Variants in BAHCC1 observed in about 807,000 individuals in gnomAD.
The protein encoded by BAHCC1 is BAH and coiled-coil domain-containing protein 1.
BAHCC1 carries 43 observed loss-of-function variants against 88.2 expected under a neutral mutation model. That is an observed-to-expected ratio of 0.49 (90% CI 0.38 to 0.63). BAHCC1 has a LOEUF of 0.63. BAHCC1 is among the 20% of genes least tolerant of loss of function. The pLI, the probability that BAHCC1 is intolerant of heterozygous loss-of-function variation, is 0.00. For missense variants in BAHCC1, 3,023 were observed against 1,654.8 expected, an observed-to-expected ratio of 1.83 and a Z score of -14.34; for synonymous variants, 1,510 against 745.5, an observed-to-expected ratio of 2.03 and a Z score of -16.71.
intron 2 of BAHCC1, among the ~76,000 whole-genome samples, chr17:81,408,455 C>G (rs573918164): frequency 6.6e-6 from 1 of 151,810 alleles, no homozygotes; most frequent in Non-Finnish European, 1.5e-5. Flanking sequence ...CCGTCTCTGC[C>G]CACCGTGCCC....
chr17:81,399,005 C>T lies in BAHCC1; in HGVS notation c.-206-529C>T, dbSNP rs1012568947. Among the ~76,000 whole-genome samples the T allele has an allele frequency of 1.3e-5, 2 of 151,088 alleles. No homozygotes were observed. Among genetic ancestry groups the T allele is most frequent in the Admixed American group, 6.6e-5 (1 of 15,202 alleles). ...TAATTAGCATGGTTATTCGGTTAAG[C>T]GGAATGCAGTAAAAGCTGGACCTCG... On this transcript the variant is annotated intron_variant, in intron 1 of 27. Transcript: ENST00000675386. The surrounding 1 kb of genome is among the most constrained non-coding windows in gnomAD (Gnocchi z 4.5).
At chr17:81,407,012 TTC>T (rs2063889241) in intron 2 of BAHCC1, 1 of 455,976 alleles carries the variant, frequency 2.2e-6, no homozygotes, top group African/African-American at 2.0e-5. Context: ...CTGCCTTCCC[TTC>T]TCTCCCCTAG....
chr17:81,463,125 A>G, intron 27 of BAHCC1, 149 bp downstream of exon 27: 1 of 609,814 alleles, frequency 1.6e-6, no homozygotes, highest in Non-Finnish European at 2.9e-6. Flanking sequence ...AGGGAGCCGC[A>G]CAGCCCATGG....
chr17:81,465,731 G>C lies in BAHCC1; in HGVS notation c.*1914G>C, dbSNP rs1415052997. The C allele has an allele frequency of 6.6e-6, 1 of 152,304 alleles. No homozygotes were observed. The highest frequency in any genetic ancestry group is 1.5e-5 in the Non-Finnish European group (1 of 68,072). 9.4% of individuals were successfully genotyped at this position (152,304 alleles called of 1,614,324 possible). The stretch of plus-strand genomic sequence containing the variant: ...CACCTGCTGGCTGGACCCCCTGAAG[G>C]GCCGTTCCCAGAGGCTCCCCAGGAG... On this transcript the variant is annotated 3_prime_UTR_variant, in exon 28 of 28. Coordinates refer to ENST00000675386, the MANE Select transcript of BAHCC1 (RefSeq NM_001377448.1).
rs1460740487 is a variant in BAHCC1, at chr17:81,445,187, C to T, written c.2835+9C>T. The T allele has an allele frequency of 1.8e-5, 14 of 760,682 alleles. No individual in the cohort carries two copies. The highest frequency in any genetic ancestry group is 2.9e-5 in the Non-Finnish European group (12 of 409,720). The allele number at this position is 760,682 out of a possible 1,614,324, so 47.1% of individuals were successfully genotyped here. A position where few individuals can be genotyped will look rare whatever the true frequency, so the allele number is the denominator to read the frequency against. On this transcript the variant is annotated intron_variant, in intron 9 of 27. Coordinates refer to ENST00000675386, the MANE Select transcript of BAHCC1 (RefSeq NM_001377448.1). ...GGGCCGCCCAGTTCCAGGTACCGCC[C>T]CTAGCCACGCTCACCTGGGCCGGGC...
At position 81,445,374 on chromosome 17, in the gene BAHCC1, C is replaced by T; in HGVS notation, c.2856C>T (p.His952=). 2 of 776,768 alleles carry T rather than the reference C, an allele frequency of 2.6e-6. No individual in the cohort carries two copies. Among genetic ancestry groups the T allele is most frequent in the Non-Finnish European group, 4.8e-6 (2 of 417,054 alleles). 48.1% of individuals were successfully genotyped at this position (776,768 alleles called of 1,614,324 possible). Residue 952 remains histidine (H), a synonymous_variant, in exon 10 of 28, where the codon CAC becomes CAT. Coordinates refer to ENST00000675386, the MANE Select transcript of BAHCC1 (RefSeq NM_001377448.1). The part of the protein sequence containing the change: ...AQFQRKPEDQ[H]LDLEEPAQEK... ...GACAGCGGAAGCCCGAAGACCAGCA[C>T]CTGGATCTGGAGGAGCCCGCCCAGG...
At position 81,462,972 on chromosome 17, in the gene BAHCC1, G is replaced by A; in HGVS notation, c.7616G>A (p.Gly2539Asp). 1 of 779,974 alleles carries A rather than the reference G, an allele frequency of 1.3e-6. No individual in the cohort carries two copies. The highest frequency in any genetic ancestry group is 1.3e-5 in the South Asian group (1 of 74,602). The allele number at this position is 779,974 out of a possible 1,614,324, so 48.3% of individuals were successfully genotyped here. A position where few individuals can be genotyped will look rare whatever the true frequency, so the allele number is the denominator to read the frequency against. Residue 2539 changes from glycine to aspartate, a missense_variant, in exon 27 of 28, where the codon GGC (glycine) becomes GAC (aspartate). By Grantham distance (94) the Gly-to-Asp change is moderately conservative. Transcript: ENST00000675386. ...AAGCTGGGCAAGAGGCAGTGCGACG[G>A]CAAGGTGAGGCCCGGACAGGTGTGG... ...ETKLGKRQCD[G>D]KNALYQSCHE...
chr17:81,459,374 G>A (rs1277374211), intron 22 of BAHCC1, 46 bp downstream of exon 22: 1 of 766,164 alleles, frequency 1.3e-6, no homozygotes, highest in Non-Finnish European at 2.4e-6. Context: ...TGGCTGGCTT[G>A]TCCCAGGACA....
chr17:81,404,545 G>T (rs1411246539), intron 2 of BAHCC1, among the ~76,000 whole-genome samples: 1 of 152,230 alleles, frequency 6.6e-6, no homozygotes, highest in African/African-American at 2.4e-5. Flanking sequence ...AGATTACCCA[G>T]GAGGCTGGAG....
At position 81,452,771 on chromosome 17, in the gene BAHCC1, G is replaced by C; in HGVS notation, c.4365G>C (p.Pro1455=). ...RSPARRGPGR[P]RKRKHSSSLP... ...CTGCACGGCGGGGGCCTGGCCGGCC[G>C]AGGAAGCGCAAACACTCAAGCTCGC... Residue 1455 remains proline (P), a synonymous_variant, in exon 14 of 28, where the codon CCG becomes CCC. Transcript: ENST00000675386. 2 of 742,676 alleles carry C rather than the reference G, an allele frequency of 2.7e-6. No homozygotes were observed. Among genetic ancestry groups the C allele is most frequent in the Non-Finnish European group, 5.0e-6 (2 of 403,910 alleles). 46.0% of individuals were successfully genotyped at this position (742,676 alleles called of 1,614,324 possible). A position where few individuals can be genotyped will look rare whatever the true frequency, so the allele number is the denominator to read the frequency against.
chr17:81,436,436 C>G (rs1384516985), intron 3 of BAHCC1, among the ~76,000 whole-genome samples: 1 of 152,268 alleles, frequency 6.6e-6, no homozygotes. Context: ...GGCTCCGTGC[C>G]TGGGAAACGG....
At chr17:81,456,624 G>A (rs782592025) in intron 16 of BAHCC1, 39 bp downstream of exon 16, 139 of 675,076 alleles carry the variant, frequency 2.1e-4, no homozygotes, top group Admixed American at 3.0e-4. Flanking sequence ...CAGGAGCCCC[G>A]GTCATGGTCG....
rs2143465159 is a variant in BAHCC1 at position 81,435,026 on chromosome 17, CT to C, written c.359-3343del. ...GAGGAAAGGAAGGGTCCCCTCACCC[CT>C]GGCCGTCCCCAGCCCCCATTTCTCT... On this transcript the variant is annotated intron_variant, in intron 3 of 27. Transcript: ENST00000675386. This position sits in a 1 kb window ranked among gnomAD's most constrained non-coding sequence, Gnocchi z 4.4. Among the ~76,000 whole-genome samples the C allele has an allele frequency of 6.6e-6, 1 of 152,136 alleles. No individual in the cohort carries two copies. The highest frequency in any genetic ancestry group is 6.5e-5 in the Admixed American group (1 of 15,300).
intron 14 of BAHCC1, among the ~76,000 whole-genome samples, chr17:81,455,030 AG>A (rs1371421350): frequency 6.6e-6 from 1 of 152,186 alleles, no homozygotes; most frequent in African/African-American, 2.4e-5. Context: ...TTGAGGATAT[AG>A]GGACTGCTGA....
chr17:81,453,839 T>C (rs1555656554), intron 14 of BAHCC1, among the ~76,000 whole-genome samples: 1 of 152,238 alleles, frequency 6.6e-6, no homozygotes, highest in Non-Finnish European at 1.5e-5. Context: ...CAGGCAGTGG[T>C]GGCAGAGGCA....
chr17:81,451,963 C>G lies in BAHCC1; in HGVS notation c.4180-8C>G, dbSNP rs782199691. On this transcript the variant is annotated splice_region_variant and splice_polypyrimidine_tract_variant and intron_variant, in intron 12 of 27. Transcript: ENST00000675386. The stretch of plus-strand genomic sequence containing the variant: ...CCGGCTCACAGGCCCCTGTGCCCCC[C>G]CCACCAGGTGTGCCCCCTGAAGGCC... The G allele has an allele frequency of 8.3e-5, 52 of 623,088 alleles. No homozygotes were observed. In the Middle Eastern group the frequency reaches 1.0e-3, roughly 12 times the overall value. 38.6% of individuals were successfully genotyped at this position (623,088 alleles called of 1,614,324 possible). A position where few individuals can be genotyped will look rare whatever the true frequency, so the allele number is the denominator to read the frequency against.
In BAHCC1 at chr17:81,461,262, G is replaced by C; in HGVS notation, c.6599G>C (p.Arg2200Pro). 1.4e-6 allele frequency: 1 copy of C among 697,472 alleles called. No homozygotes were observed. The highest frequency in any genetic ancestry group is 2.6e-6 in the Non-Finnish European group (1 of 379,332). The allele number at this position is 697,472 out of a possible 1,614,324, so 43.2% of individuals were successfully genotyped here. A position where few individuals can be genotyped will look rare whatever the true frequency, so the allele number is the denominator to read the frequency against. ...GTGGAGGCCGAGAAGGGTGGGCGGC[G>C]GCGGGCGGGCGGTGAGTTCCTGGTC... is the stretch of plus-strand genomic sequence containing the variant. ...ERVEAEKGGR[R>P]RAGGEFLVKL... is the part of the protein sequence containing the mutation. The change falls in exon 26 of 28, where the codon CGG (arginine) becomes CCG (proline). Residue 2200 changes from arginine (R) to proline (P), a missense_variant. By Grantham distance (103) the Arg-to-Pro change is moderately radical. Coordinates refer to ENST00000675386, the MANE Select transcript of BAHCC1 (RefSeq NM_001377448.1).
intron 3 of BAHCC1, among the ~76,000 whole-genome samples, chr17:81,437,683 GGACA>G (rs1287334410): frequency 6.6e-6 from 1 of 152,156 alleles, no homozygotes; most frequent in Non-Finnish European, 1.5e-5. Flanking sequence ...CTGCCTTGAG[GGACA>G]GACAGACCCC....
rs367826025 is a variant in BAHCC1 at position 81,445,674 on chromosome 17, C to A, written c.3156C>A (p.Ser1052=). Residue 1052 remains serine (S), a synonymous_variant, in exon 10 of 28, where the codon TCC becomes TCA. Coordinates refer to ENST00000675386, the MANE Select transcript of BAHCC1 (RefSeq NM_001377448.1). ...GQQSTADIIT[S]EPDLPPGYLR... ...AGTCCACGGCCGACATCATCACATC[C>A]GAACCAGGTGAGAGTAGCCGCCTGG... 1 of 728,718 alleles carries A rather than the reference C, an allele frequency of 1.4e-6. No homozygotes were observed. The highest frequency in any genetic ancestry group is 1.5e-5 in the South Asian group (1 of 68,260). 45.1% of individuals were successfully genotyped at this position (728,718 alleles called of 1,614,324 possible).
Sources: gnomAD v4.1 joint callset for allele counts (sites outside exome capture counted in the v4.1 genomes callset) on GRCh38, gnomAD v4.1.1 for gene constraint, Gnocchi (gnomAD v3.1) non-coding constraint, MANE v1.5 for transcripts, NCBI Gene and HGNC (gene_info 2026-07-23, HGNC 2026-07-21) for gene names.